The following USP35 variants were observed in gnomAD, a reference collection of about 807,000 sequenced individuals.
The protein encoded by USP35 is ubiquitin carboxyl-terminal hydrolase 35.
USP35 carries 69 observed loss-of-function variants against 83.8 expected under a neutral mutation model. The observed-to-expected ratio is 0.82, with a 90% confidence interval of 0.68 to 1.01. USP35 has a LOEUF of 1.01. Among genes scored for constraint, USP35 ranks in the 50% least tolerant of loss-of-function variants. The probability of loss-of-function intolerance (pLI) is 0.00; values close to 1 mark genes in which losing one functional copy is unlikely to be tolerated. For missense variants in USP35, 1,503 were observed against 1,362.5 expected (o/e 1.10, Z -1.62); for synonymous variants, 714 against 589.5 (o/e 1.21, Z -3.06).
At chr11:78,199,517 C>T (rs972633200) in intron 3 of USP35, 78 bp from the exon 4 acceptor site, 142 of 1,590,498 alleles carry the variant, frequency 8.9e-5, no homozygotes, top group Non-Finnish European at 1.0e-4. Flanking sequence ...CAGGACATTA[C>T]GGATAGCCCC....
intron 7 of USP35, 39 bp downstream of exon 7, chr11:78,206,074 C>T (rs747659264): frequency 4.4e-6 from 7 of 1,590,838 alleles, no homozygotes; most frequent in Middle Eastern, 1.7e-4. Context: ...GCCCTTGCTT[C>T]TCTCCTCTGG....
At chr11:78,219,991 T>C (rs965788763), downstream of USP35, among the ~76,000 whole-genome samples, 2 of 152,150 alleles carry the variant, frequency 1.3e-5, no homozygotes, top group Admixed American at 1.3e-4. Context: ...CAGGAGGCAG[T>C]ATCCTCATTC....
At chr11:78,227,343 G>A in the USP35 span, among the ~76,000 whole-genome samples, 22 of 152,202 alleles carry the variant, frequency 1.4e-4, no homozygotes, top group African/African-American at 5.3e-4. Flanking sequence ...TTTAAGTACC[G>A]CAGAATATGC....
At chr11:78,206,439 C>T (rs139019008) in intron 7 of USP35, among the ~76,000 whole-genome samples, 1 of 152,294 alleles carries the variant, frequency 6.6e-6, no homozygotes, top group African/African-American at 2.4e-5. Flanking sequence ...TACCTTATGG[C>T]TTACTTAAAA....
downstream of USP35, chr11:78,218,805 C>T (rs1192489638): frequency 5.1e-5 from 8 of 156,266 alleles, no homozygotes; most frequent in Non-Finnish European, 5.7e-5. Context: ...CTTTGGTTTG[C>T]TGGTCCTTGA....
chr11:78,231,413 A>G, the USP35 span, among the ~76,000 whole-genome samples: 1 of 150,614 alleles, frequency 6.6e-6, no homozygotes, highest in Non-Finnish European at 1.5e-5. Flanking sequence ...CAGTGATGCA[A>G]TCTTGGCTCA....
rs201513051 is a variant in USP35, at chr11:78,214,236, GGGT to G, written c.*426_*428del. ...AGCAGGATCCAAGCCTTGCACAAAG[GGGT>G]GGGGGGGGCAGTGTCTCCTCTGGCT... On this transcript the variant is annotated 3_prime_UTR_variant, in exon 11 of 11. Coordinates refer to ENST00000529308, the MANE Select transcript of USP35 (RefSeq NM_020798.4). 0.014 allele frequency: 1,791 copies of G among 131,440 alleles called. 61 individuals are homozygous for G. The highest frequency in any genetic ancestry group is 0.05 in the African/African-American group (1,497 of 30,174). 8.1% of individuals were successfully genotyped at this position (131,440 alleles called of 1,614,324 possible).
intron 6 of USP35, among the ~76,000 whole-genome samples, chr11:78,203,296 G>A (rs965657197): frequency 6.6e-6 from 1 of 152,128 alleles, no homozygotes; most frequent in African/African-American, 2.4e-5. Context: ...TGGATGCATC[G>A]GAGGGGAGGC....
chr11:78,197,215 C>A (rs1344104448), intron 2 of USP35, among the ~76,000 whole-genome samples: 1 of 122,814 alleles, frequency 8.1e-6, no homozygotes, highest in African/African-American at 3.3e-5. Context: ...TTGAGCAAGC[C>A]ACAGGATTTG....
rs747831742 is a variant in USP35, at chr11:78,196,884, C to T, written c.639C>T (p.Cys213=). ...WRAQPAAILP[C]LKELFAVISC... ...CACAGCCCGCCGCCATCCTGCCCTG[C>T]CTCAAAGAGCTGTTCGCAGTCATCT... Residue 213 remains cysteine (C), a synonymous_variant, in exon 2 of 11, where the codon TGC becomes TGT. Coordinates refer to ENST00000529308, the MANE Select transcript of USP35 (RefSeq NM_020798.4). This position sits in a 1 kb window ranked among gnomAD's most constrained non-coding sequence, Gnocchi z 4.8. 8.8e-6 allele frequency: 13 copies of T among 1,471,130 alleles called. No individual in the cohort carries two copies. In the Admixed American group the frequency reaches 1.5e-4, roughly 16 times the overall value. The allele number at this position is 1,471,130 out of a possible 1,614,324, so 91.1% of individuals were successfully genotyped here. A position where few individuals can be genotyped will look rare whatever the true frequency, so the allele number is the denominator to read the frequency against.
the USP35 span, among the ~76,000 whole-genome samples, chr11:78,229,808 G>C: frequency 6.6e-6 from 1 of 152,108 alleles, no homozygotes; most frequent in African/African-American, 2.4e-5. Context: ...GTCAAGCATT[G>C]GGCTTTGCTG....
At chr11:78,207,469 G>T (rs974455592) in intron 7 of USP35, 61 bp from the exon 8 acceptor site, 44 of 1,551,306 alleles carry the variant, frequency 2.8e-5, no homozygotes, top group Non-Finnish European at 3.2e-5. Flanking sequence ...TGTGACATGG[G>T]TGACTAGAGA....
the USP35 span, among the ~76,000 whole-genome samples, chr11:78,228,315 T>C: frequency 8.5e-5 from 13 of 152,346 alleles, no homozygotes; most frequent in East Asian, 2.5e-3. Context: ...TGATTCTTCA[T>C]AGGATTTCAC....
At chr11:78,219,285 C>G (rs1323644206), downstream of USP35, 2 of 1,613,374 alleles carry the variant, frequency 1.2e-6, no homozygotes, top group African/African-American at 1.3e-5. Flanking sequence ...CAGCTTGGCA[C>G]CCTTGGAAGG....
At position 78,209,895 on chromosome 11, in the gene USP35, G is replaced by C; in HGVS notation, c.2040G>C (p.Glu680Asp). The C allele has an allele frequency of 6.2e-7, 1 of 1,602,344 alleles. No homozygotes were observed. The highest frequency in any genetic ancestry group is 8.5e-7 in the Non-Finnish European group (1 of 1,173,830). ...GTCAGGAGGAAAGGATAGAGAGGGA[G>C]GAAGAAGGGAAGGAGGAGAGAACGG... ...QSSQEERIER[E>D]EEGKEERTEK... The change falls in exon 10 of 11, where the codon GAG becomes GAC. Residue 680 changes from glutamate (E) to aspartate (D), a missense_variant. Transcript: ENST00000529308.
the USP35 span, among the ~76,000 whole-genome samples, chr11:78,236,143 G>A: frequency 6.6e-6 from 1 of 152,200 alleles, no homozygotes; most frequent in Non-Finnish European, 1.5e-5. Flanking sequence ...AGTTTTCAGT[G>A]AAGAGGTGTT....
chr11:78,200,256 C>T (rs773747750), intron 5 of USP35, 22 bp downstream of exon 5: 55 of 1,611,960 alleles, frequency 3.4e-5, no homozygotes, highest in Non-Finnish European at 4.5e-5. Flanking sequence ...TGCCTGCTGC[C>T]CCTGGTGAGG....
At chr11:78,221,418 C>G in the USP35 span, among the ~76,000 whole-genome samples, 1 of 152,228 alleles carries the variant, frequency 6.6e-6, no homozygotes, top group Admixed American at 6.5e-5. Flanking sequence ...ACCCATGTCA[C>G]TGTCATGAGA....
the USP35 span, chr11:78,223,662 A>T: frequency 1.2e-6 from 2 of 1,601,036 alleles, no homozygotes; most frequent in South Asian, 2.2e-5. Context: ...ATCGGCCCAC[A>T]ATCATTTTCC....
Sources: gnomAD v4.1 joint callset for allele counts (sites outside exome capture counted in the v4.1 genomes callset) on GRCh38, gnomAD v4.1.1 for gene constraint, Gnocchi (gnomAD v3.1) non-coding constraint, MANE v1.5 for transcripts, NCBI Gene and HGNC (gene_info 2026-07-23, HGNC 2026-07-21) for gene names.